NIBAN1: variants seen among roughly 807,000 people sequenced by gnomAD.
NIBAN1 encodes the protein protein Niban 1.
In NIBAN1, 81 loss-of-function variants were observed where a neutral mutation model predicts 75.1. That is an observed-to-expected ratio of 1.08 (90% confidence interval 0.90 to 1.30). The LOEUF is 1.30. Ranked by LOEUF, NIBAN1 falls within the 50% of genes most tolerant of loss-of-function variation. The probability of loss-of-function intolerance (pLI) is 0.00; values close to 1 mark genes in which losing one functional copy is unlikely to be tolerated. For synonymous variants in NIBAN1, 436 were observed against 424.8 expected (o/e 1.03, Z -0.32); for missense variants, 1,133 against 1,128.1 (o/e 1.00, Z -0.06).
chr1:184,955,144 T>C (rs1229491586), intron 1 of NIBAN1, among the ~76,000 whole-genome samples: 1 of 152,200 alleles, frequency 6.6e-6, no homozygotes, highest in Admixed American at 6.5e-5. Flanking sequence ...TTAATTATTT[T>C]ACATTATTTT....
Position 184,791,453 on chromosome 1 carries a change from G to C in NIBAN1, c.*3524C>G, listed in dbSNP as rs1020478858. 2 of 150,908 alleles carry C rather than the reference G, an allele frequency of 1.3e-5. No individual in the cohort carries two copies. Among genetic ancestry groups the C allele is most frequent in the African/African-American group, 4.9e-5 (2 of 40,792 alleles). The allele number at this position is 150,908 out of a possible 1,614,324, so 9.3% of individuals were successfully genotyped here. A position where few individuals can be genotyped will look rare whatever the true frequency, so the allele number is the denominator to read the frequency against. ...AAATATGTAAGGCCAGAAAGCTTTT[G>C]GACAAGTTGGAATCTTACCCTGGTA... is the stretch of plus-strand genomic sequence containing the variant. On this transcript the variant is annotated 3_prime_UTR_variant, in exon 14 of 14. Coordinates refer to ENST00000367511, the MANE Select transcript of NIBAN1 (RefSeq NM_052966.4).
chr1:184,856,287 G>A (rs938741753), intron 5 of NIBAN1, among the ~76,000 whole-genome samples: 2 of 152,166 alleles, frequency 1.3e-5, no homozygotes, highest in Admixed American at 1.3e-4. Flanking sequence ...GCCTTCTGGA[G>A]AAAAATGACC....
intron 5 of NIBAN1, among the ~76,000 whole-genome samples, chr1:184,838,095 G>A (rs1048114090): frequency 1.3e-5 from 2 of 151,986 alleles, no homozygotes; most frequent in East Asian, 3.9e-4. Flanking sequence ...ATACAACCAC[G>A]TCACACTGTT....
Position 184,794,806 on chromosome 1 carries a change from A to G in NIBAN1, c.*171T>C. 1.3e-6 allele frequency: 1 copy of G among 799,614 alleles called. No homozygotes were observed. Among genetic ancestry groups the G allele is most frequent in the Non-Finnish European group, 2.0e-6 (1 of 490,176 alleles). The allele number at this position is 799,614 out of a possible 1,614,324, so 49.5% of individuals were successfully genotyped here. A position where few individuals can be genotyped will look rare whatever the true frequency, so the allele number is the denominator to read the frequency against. Reference sequence around the variant, plus strand: ...ATTCATCGTAGAACAATTCATGTCCACAAAGGTTTGCCTCAGTTGCTCATG... The same window carrying G: ...ATTCATCGTAGAACAATTCATGTCCGCAAAGGTTTGCCTCAGTTGCTCATG... On this transcript the variant is annotated 3_prime_UTR_variant, in exon 14 of 14. Transcript: ENST00000367511.
intron 5 of NIBAN1, among the ~76,000 whole-genome samples, chr1:184,875,718 TC>T (rs1324739483): frequency 1.8e-4 from 27 of 152,138 alleles, no homozygotes; most frequent in African/African-American, 6.5e-4. Flanking sequence ...TGCTTTAAAA[TC>T]ATCACAATGA....
Position 184,795,044 on chromosome 1 carries a change from T to C in NIBAN1, c.2720A>G (p.His907Arg). Residue 907 changes from histidine to arginine, a missense_variant, in exon 14 of 14, where the codon CAC becomes CGC. His to Arg is a conservative substitution (Grantham distance 29). Transcript: ENST00000367511. ...DAPNPDVLLS[H>R]KDDVKEGEGG... ...TTCTCCCTCCTTCACGTCATCTTTG[T>C]GTGACAGCAGGACATCCGGGTTTGG... 1 of 1,613,898 alleles carries C rather than the reference T, an allele frequency of 6.2e-7. No individual in the cohort carries two copies. The highest frequency in any genetic ancestry group is 1.1e-5 in the South Asian group (1 of 91,092).
intron 5 of NIBAN1, among the ~76,000 whole-genome samples, chr1:184,837,073 C>A (rs569201433): frequency 3.9e-5 from 6 of 152,294 alleles, no homozygotes; most frequent in Admixed American, 6.5e-5. Context: ...TTTGAGAAGG[C>A]ATTGCTGAGC....
At chr1:184,942,269 T>C (rs548296728) in intron 1 of NIBAN1, among the ~76,000 whole-genome samples, 25 of 152,392 alleles carry the variant, frequency 1.6e-4, no homozygotes, top group African/African-American at 6.0e-4. Flanking sequence ...CCACTTGCTG[T>C]GTGCATTAAA....
Position 184,936,555 on chromosome 1 carries a change from T to C in NIBAN1, c.56-37246A>G, listed in dbSNP as rs76745988. On this transcript the variant is annotated intron_variant, in intron 1 of 13. Coordinates refer to ENST00000367511, the MANE Select transcript of NIBAN1 (RefSeq NM_052966.4). Reference sequence around the variant, plus strand: ...GTATCACTGGGATGAAATCAAGGAGTTAGCAGGCCCACCTGCCCTCTGGCA... The same window carrying C: ...GTATCACTGGGATGAAATCAAGGAGCTAGCAGGCCCACCTGCCCTCTGGCA... Among the ~76,000 whole-genome samples, 108 of 152,230 alleles carry C rather than the reference T, an allele frequency of 7.1e-4. 1 individual carries two copies. The East Asian group carries it at 0.019, about 27-fold the overall frequency.
intron 12 of NIBAN1, among the ~76,000 whole-genome samples, chr1:184,798,745 C>T (rs757772304): frequency 1.3e-5 from 2 of 152,054 alleles, no homozygotes; most frequent in Middle Eastern, 3.2e-3. Context: ...TCCATCACCC[C>T]CAAAGTTCCC....
At chr1:184,974,141 G>A (rs1303809238) in intron 1 of NIBAN1, among the ~76,000 whole-genome samples, 161 bp downstream of exon 1, 1 of 152,074 alleles carries the variant, frequency 6.6e-6, no homozygotes, top group Admixed American at 6.5e-5. Context: ...GAGCGCGCCG[G>A]CTGGGGCAGG....
At chr1:184,826,763 C>T (rs1401597111) in intron 6 of NIBAN1, among the ~76,000 whole-genome samples, 2 of 152,036 alleles carry the variant, frequency 1.3e-5, no homozygotes, top group Non-Finnish European at 2.9e-5. Context: ...CTTTCCCACA[C>T]AATGTTCCAA....
rs985809175 is a variant in NIBAN1, at chr1:184,859,207, T to A, written c.601+25426A>T. Among the ~76,000 whole-genome samples, 7 of 150,912 alleles carry A rather than the reference T, an allele frequency of 4.6e-5. No individual in the cohort carries two copies. In the East Asian group the frequency reaches 5.9e-4, roughly 13 times the overall value. On this transcript the variant is annotated intron_variant, in intron 5 of 13. Transcript: ENST00000367511. ...GCGGTTTTAAATAAATAAATAAATA[T>A]ATATATATGAGGTTTTAAAATAATG...
At chr1:184,917,687 C>T (rs1657429721) in intron 1 of NIBAN1, among the ~76,000 whole-genome samples, 1 of 152,008 alleles carries the variant, frequency 6.6e-6, no homozygotes, top group Non-Finnish European at 1.5e-5. Flanking sequence ...CTCCTCCTGT[C>T]CACCTCAAAA....
chr1:184,824,499 A>T (rs2102225278), intron 6 of NIBAN1, among the ~76,000 whole-genome samples: 1 of 152,244 alleles, frequency 6.6e-6, no homozygotes, highest in East Asian at 1.9e-4. Flanking sequence ...GGCCCCTGCT[A>T]AGAAGGAAGA....
chr1:184,877,493 A>G (rs1656263506), intron 5 of NIBAN1, among the ~76,000 whole-genome samples: 1 of 152,126 alleles, frequency 6.6e-6, no homozygotes. Context: ...AAAAACTCAA[A>G]ACAACTAATA....
At chr1:184,811,472 G>C (rs1217489149) in intron 9 of NIBAN1, among the ~76,000 whole-genome samples, 1 of 149,212 alleles carries the variant, frequency 6.7e-6, no homozygotes, top group Non-Finnish European at 1.5e-5. Flanking sequence ...TGTTCCGAAA[G>C]AACAACAATG....
rs200864281 is a variant in NIBAN1, at chr1:184,884,631, A to G, written c.601+2T>C. On this transcript the variant is annotated splice_donor_variant, in intron 5 of 13. Coordinates refer to ENST00000367511, the MANE Select transcript of NIBAN1 (RefSeq NM_052966.4). LOFTEE classifies it high-confidence loss of function. ...GGGGATGAGAGGGGAGCCGCGCCAT[A>G]CCATGATTGAGATGCCTGACGCAGT... is the stretch of plus-strand genomic sequence containing the variant. 2.0e-5 allele frequency: 32 copies of G among 1,613,818 alleles called. No individual in the cohort carries two copies. Among genetic ancestry groups the G allele is most frequent in the Non-Finnish European group, 2.3e-5 (27 of 1,179,904 alleles).
At chr1:184,888,232 G>C (rs1656577808) in intron 4 of NIBAN1, 1 of 152,168 alleles carries the variant, frequency 6.6e-6, no homozygotes, top group Non-Finnish European at 1.5e-5. Flanking sequence ...TAAGCCTCTA[G>C]TGCTTTTTCC....
Sources: gnomAD v4.1 joint callset for allele counts (sites outside exome capture counted in the v4.1 genomes callset) on GRCh38, gnomAD v4.1.1 for gene constraint, MANE v1.5 for transcripts, NCBI Gene and HGNC (gene_info 2026-07-23, HGNC 2026-07-21) for gene names.